Variants in KBTBD2 observed in about 807,000 individuals in gnomAD.
KBTBD2 encodes kelch repeat and BTB domain containing 2.
In KBTBD2, 17 loss-of-function variants were observed where a neutral mutation model predicts 57.1. That is an observed-to-expected ratio of 0.30 (90% CI 0.20 to 0.45). The LOEUF is 0.45. Among genes scored for constraint, KBTBD2 ranks in the 20% least tolerant of loss-of-function variants. The pLI is 1.00. For synonymous variants in KBTBD2, 267 were observed against 262.7 expected, an observed-to-expected ratio of 1.02 and a Z score of -0.16; for missense variants, 515 against 750.6, an observed-to-expected ratio of 0.69 and a Z score of 3.67.
chr7:32,875,130 T>C lies in KBTBD2; in HGVS notation c.198A>G (p.Glu66=), dbSNP rs761278675. 4.3e-6 allele frequency: 7 copies of C among 1,614,178 alleles called. No homozygotes were observed. Among genetic ancestry groups the C allele is most frequent in the Non-Finnish European group, 5.9e-6 (7 of 1,180,002 alleles). The change falls in exon 3 of 4, where the codon GAA becomes GAG. Residue 66 remains glutamate, a synonymous_variant. Transcript: ENST00000304056. ...FRAMFMSGLS[E]SKQTHVHLRN... Reference sequence around the variant, plus strand: ...TCAGGTGTACATGGGTTTGTTTGCTTTCACTTAGTCCACTCATAAACATGG... The same window carrying C: ...TCAGGTGTACATGGGTTTGTTTGCTCTCACTTAGTCCACTCATAAACATGG...
In KBTBD2 at chr7:32,869,457, T is replaced by TA; in HGVS notation, c.1759dup (p.Tyr587LeufsTer6). 1 of 1,614,050 alleles carries TA rather than the reference T, an allele frequency of 6.2e-7. No homozygotes were observed. The highest frequency in any genetic ancestry group is 8.5e-7 in the Non-Finnish European group (1 of 1,179,942). On this transcript the variant is annotated frameshift_variant, in exon 4 of 4. Coordinates refer to ENST00000304056, the MANE Select transcript of KBTBD2 (RefSeq NM_015483.3). LOFTEE classifies it high-confidence loss of function. ...TGGAGACTCTTCAAGGCAGGATGGA[T>TA]AGAGTTTCCCCACAGTGCATCGAAA...
intron 1 of KBTBD2, chr7:32,890,933 G>A (rs1255593864): frequency 6.6e-6 from 1 of 152,190 alleles, no homozygotes; most frequent in Non-Finnish European, 1.5e-5. Flanking sequence ...GAAGGAGGTG[G>A]TCGAATTCAA....
At chr7:32,885,046 ATTTT>A (rs961676139) in intron 1 of KBTBD2, among the ~76,000 whole-genome samples, 7 of 142,068 alleles carry the variant, frequency 4.9e-5, no homozygotes, top group Non-Finnish European at 9.2e-5. Flanking sequence ...ACAAATTTTA[ATTTT>A]TTTTTTTAAG....
Position 32,885,039 on chromosome 7 carries a change from A to C in KBTBD2, c.-338-5097T>G, listed in dbSNP as rs548629777. ...ATATACACACACATACACACACACA[A>C]ATTTTAATTTTTTTTTTTAAGAGAC... On this transcript the variant is annotated intron_variant, in intron 1 of 3. Coordinates refer to ENST00000304056, the MANE Select transcript of KBTBD2 (RefSeq NM_015483.3). Among the ~76,000 whole-genome samples the C allele has an allele frequency of 3.6e-3, 503 of 140,184 alleles. 5 individuals are homozygous for C. The highest frequency in any genetic ancestry group is 0.014 in the African/African-American group (492 of 34,786). The allele number at this position is 140,184 out of a possible 152,430, so 92.0% of individuals were successfully genotyped here.
At position 32,870,071 on chromosome 7, in the gene KBTBD2, G is replaced by A. The variant is rs1329109943; in HGVS notation, c.1146C>T (p.Ile382=). 1 of 1,614,184 alleles carries A rather than the reference G, an allele frequency of 6.2e-7. No individual in the cohort carries two copies. The highest frequency in any genetic ancestry group is 1.7e-5 in the Admixed American group (1 of 60,010). The change falls in exon 4 of 4, where the codon ATC becomes ATT. Residue 382 remains isoleucine (I), a synonymous_variant. Coordinates refer to ENST00000304056, the MANE Select transcript of KBTBD2 (RefSeq NM_015483.3). Reference sequence around the variant, plus strand: ...CTACGCTATCTCCTCCAATTGCATAGATATAGCCTTCACAGCAAACCAAAG... The same window carrying A: ...CTACGCTATCTCCTCCAATTGCATAAATATAGCCTTCACAGCAAACCAAAG... ...KPSLVCCEGY[I]YAIGGDSVGG...
Position 32,869,155 on chromosome 7 carries a change from G to GAATTATTTCAATTATT in KBTBD2, c.*189_*190insAATAATTGAAATAATT, listed in dbSNP as rs1401770488. On this transcript the variant is annotated 3_prime_UTR_variant, in exon 4 of 4. Coordinates refer to ENST00000304056, the MANE Select transcript of KBTBD2 (RefSeq NM_015483.3). ...TATTGAATAATCTATTTCATATTAT[G>GAATTATTTCAATTATT]GAAGCATATCTTTCTGTAAGACTCA... 4 of 511,554 alleles carry GAATTATTTCAATTATT rather than the reference G, an allele frequency of 7.8e-6. No individual in the cohort carries two copies. Among genetic ancestry groups the GAATTATTTCAATTATT allele is most frequent in the Non-Finnish European group, 1.4e-5 (4 of 291,782 alleles). 31.7% of individuals were successfully genotyped at this position (511,554 alleles called of 1,614,324 possible).
At chr7:32,888,525 T>C (rs1398740135) in intron 1 of KBTBD2, among the ~76,000 whole-genome samples, 1 of 151,800 alleles carries the variant, frequency 6.6e-6, no homozygotes, top group East Asian at 1.9e-4. Context: ...TTTCTGGAGT[T>C]GTGACAGGCA....
At chr7:32,871,460 T>C (rs1308914994) in intron 3 of KBTBD2, among the ~76,000 whole-genome samples, 3 of 152,184 alleles carry the variant, frequency 2.0e-5, no homozygotes, top group African/African-American at 7.2e-5. Context: ...ACTGTAAGCT[T>C]CCTAGATTTG....
chr7:32,870,705 T>A lies in KBTBD2; in HGVS notation c.512A>T (p.Gln171Leu). Residue 171 changes from glutamine to leucine, a missense_variant, in exon 4 of 4, where the codon CAG (glutamine) becomes CTG (leucine). Transcript: ENST00000304056. ...ATCTATCAGTAGGTCATGTGACAGC[T>A]GCATGAACGCGTCCTGATGATACAC... ...TAVYHQDAFM[Q>L]LSHDLLIDIL... 1 of 1,614,192 alleles carries A rather than the reference T, an allele frequency of 6.2e-7. No homozygotes were observed.
intron 3 of KBTBD2, among the ~76,000 whole-genome samples, chr7:32,874,216 C>T (rs1054143400): frequency 4.6e-5 from 7 of 151,544 alleles, no homozygotes; most frequent in South Asian, 2.1e-4. Flanking sequence ...TGGCTAACAA[C>T]GGTGAAACCC....
In KBTBD2 at chr7:32,870,894, G is replaced by GA. The variant is rs78551196; in HGVS notation, c.337-15dup. 107,685 of 1,179,032 alleles carry GA rather than the reference G, an allele frequency of 0.091. 1,020 individuals are homozygous for GA. The highest frequency in any genetic ancestry group is 0.19 in the East Asian group (5,987 of 31,668). The allele number at this position is 1,179,032 out of a possible 1,614,324, so 73.0% of individuals were successfully genotyped here. A position where few individuals can be genotyped will look rare whatever the true frequency, so the allele number is the denominator to read the frequency against. On this transcript the variant is annotated splice_polypyrimidine_tract_variant and intron_variant, in intron 3 of 3. Transcript: ENST00000304056. ...CACATCTTCTACCTAGAATGAGAAG[G>GA]AAAAAAAAAACAGGCTGATAGGGCC...
intron 1 of KBTBD2, among the ~76,000 whole-genome samples, chr7:32,883,255 G>C (rs1344799522): frequency 6.6e-6 from 1 of 152,102 alleles, no homozygotes; most frequent in Non-Finnish European, 1.5e-5. Context: ...GCTCATGCCT[G>C]TAATACTAGC....
At chr7:32,885,427 T>G (rs1188817900) in intron 1 of KBTBD2, among the ~76,000 whole-genome samples, 1 of 150,442 alleles carries the variant, frequency 6.6e-6, no homozygotes, top group Non-Finnish European at 1.5e-5. Flanking sequence ...TTCCGTGGAC[T>G]TCCGAAACAT....
rs1396152951 is a variant in KBTBD2, at chr7:32,884,972, G to GTGTGTGTATATATATATATACACATATA, written c.-338-5031_-338-5030insTATATGTGTATATATATATATACACACA. On this transcript the variant is annotated intron_variant, in intron 1 of 3. Transcript: ENST00000304056. ...CTTTTATATATATATGTGTGTATGT[G>GTGTGTGTATATATATATATACACATATA]TGTGTATATATATATATACACATAT... 7.0e-4 allele frequency among the ~76,000 whole-genome samples: 92 copies of GTGTGTGTATATATATATATACACATATA among 130,562 alleles called. 1 individual carries two copies. The highest frequency in any genetic ancestry group is 2.6e-3 in the African/African-American group (87 of 34,114). 85.7% of individuals were successfully genotyped at this position (130,562 alleles called of 152,430 possible). A position where few individuals can be genotyped will look rare whatever the true frequency, so the allele number is the denominator to read the frequency against.
At chr7:32,884,970 G>GTGTGTGTGTATATATATATACACATATA (rs762377950) in intron 1 of KBTBD2, among the ~76,000 whole-genome samples, 5 of 125,650 alleles carry the variant, frequency 4.0e-5, no homozygotes, top group South Asian at 2.7e-4. Context: ...ATGTGTGTAT[G>GTGTGTGTGTATATATATATACACATATA]TGTGTGTATA....
intron 1 of KBTBD2, among the ~76,000 whole-genome samples, chr7:32,882,059 T>A (rs985327037): frequency 6.8e-6 from 1 of 146,582 alleles, no homozygotes; most frequent in African/African-American, 2.6e-5. Flanking sequence ...GGTCAGGTTT[T>A]ACTAGCAAAG....
chr7:32,883,434 CA>C (rs1263500985), intron 1 of KBTBD2, among the ~76,000 whole-genome samples: 1 of 152,094 alleles, frequency 6.6e-6, no homozygotes, highest in Non-Finnish European at 1.5e-5. Context: ...TTAGGACGAT[CA>C]ACCAACCATC....
At chr7:32,875,318 C>G (rs1165568106) in intron 2 of KBTBD2, among the ~76,000 whole-genome samples, 161 bp from the exon 3 acceptor site, 1 of 152,164 alleles carries the variant, frequency 6.6e-6, no homozygotes, top group Admixed American at 6.5e-5. Flanking sequence ...GTCCCCCAGG[C>G]TGGAGTGCAG....
rs949910365 is a variant in KBTBD2, at chr7:32,873,504, C to T, written c.336+1488G>A. ...ATCCCAGCACTTTGGGAGGCCAAGGCGGGTGGATCATTTGATGGCAGGAGT... is the reference window on the plus strand; with the variant it reads ...ATCCCAGCACTTTGGGAGGCCAAGGTGGGTGGATCATTTGATGGCAGGAGT... On this transcript the variant is annotated intron_variant, in intron 3 of 3. Transcript: ENST00000304056. Among the ~76,000 whole-genome samples the T allele has an allele frequency of 5.3e-5, 8 of 151,528 alleles. 1 individual carries two copies. Among genetic ancestry groups the T allele is most frequent in the South Asian group, 4.2e-4 (2 of 4,814 alleles).
Sources: allele counts gnomAD v4.1 joint callset (sites outside exome capture counted in the v4.1 genomes callset), GRCh38; gene constraint gnomAD v4.1.1; transcripts MANE v1.5; gene names NCBI Gene and HGNC (gene_info 2026-07-23, HGNC 2026-07-21).